GRIK1: variants seen among roughly 807,000 people sequenced by gnomAD.
GRIK1 encodes glutamate receptor ionotropic, kainate 1.
A neutral mutation model predicts 105.7 loss-of-function variants in GRIK1; 69 were observed. That is an observed-to-expected ratio of 0.65 (90% CI 0.54 to 0.80). GRIK1 has a LOEUF of 0.80. Among genes scored for constraint, GRIK1 ranks in the 30% least tolerant of loss-of-function variants. The pLI, the probability that GRIK1 is intolerant of heterozygous loss-of-function variation, is 0.00. For missense variants in GRIK1, 1,109 were observed against 1,167.3 expected (o/e 0.95, Z 0.73); for synonymous variants, 438 against 431.3 (o/e 1.02, Z -0.19).
At chr21:29,791,785 A>G (rs1238177490) in intron 1 of GRIK1, among the ~76,000 whole-genome samples, 1 of 152,236 alleles carries the variant, frequency 6.6e-6, no homozygotes, top group African/African-American at 2.4e-5. Context: ...GTAGAGAGGA[A>G]GAACCAAGAT....
At chr21:29,787,954 C>T (rs1277310378) in intron 1 of GRIK1, among the ~76,000 whole-genome samples, 4 of 152,164 alleles carry the variant, frequency 2.6e-5, no homozygotes, top group Non-Finnish European at 5.9e-5. Flanking sequence ...TTCTTAGGCA[C>T]GGTCGAAGAA....
At chr21:29,705,859 CTTTCTTTTCT>C (rs1252480109) in intron 1 of GRIK1, among the ~76,000 whole-genome samples, 2 of 148,018 alleles carry the variant, frequency 1.4e-5, no homozygotes, top group Non-Finnish European at 3.0e-5. Flanking sequence ...ATATTTTTTT[CTTTCTTTTCT>C]TTTCTTTTTT....
intron 1 of GRIK1, chr21:29,761,547 G>A (rs1476716785): frequency 6.6e-6 from 1 of 152,042 alleles, no homozygotes; most frequent in African/African-American, 2.4e-5. Flanking sequence ...AGCAAATCAT[G>A]CTATATATTA....
chr21:29,659,855 G>T (rs183361606), intron 4 of GRIK1, among the ~76,000 whole-genome samples: 1 of 151,974 alleles, frequency 6.6e-6, no homozygotes, highest in Admixed American at 6.6e-5. Context: ...CCAGCTACTC[G>T]GGAGGCTGAG....
In GRIK1 at chr21:29,783,824, CAT is replaced by C. The variant is rs753392336; in HGVS notation, c.119-89763_119-89762del. ...TGACTTTGAAAACATAAAACAATCA[CAT>C]GACTCAAAATTCTAAAGAGTCCAAA... On this transcript the variant is annotated intron_variant, in intron 1 of 17. Coordinates refer to ENST00000327783, the MANE Select transcript of GRIK1 (RefSeq NM_001330994.2). 5.9e-5 allele frequency among the ~76,000 whole-genome samples: 9 copies of C among 152,364 alleles called. No homozygotes were observed. In the South Asian group the frequency reaches 1.2e-3, roughly 21 times the overall value.
intron 1 of GRIK1, among the ~76,000 whole-genome samples, chr21:29,752,578 C>T (rs1294216875): frequency 6.6e-6 from 1 of 152,060 alleles, no homozygotes; most frequent in African/African-American, 2.4e-5. Flanking sequence ...GTAATATCAA[C>T]ATTTTGAGAG....
In GRIK1 at chr21:29,651,179, G is replaced by A. The variant is rs1568933968; in HGVS notation, c.893C>T (p.Ser298Phe). ...GGGTGGGGCCTGCAGTCTCTCCATG[G>A]ACCACTTCTCAATGATGGATGACAC... ...PHVSSIIEKW[S>F]MERLQAPPRP... Residue 298 changes from serine to phenylalanine, a missense_variant, in exon 6 of 18, where the codon TCC becomes TTC. By Grantham distance (155) the Ser-to-Phe change is radical. Coordinates refer to ENST00000327783, the MANE Select transcript of GRIK1 (RefSeq NM_001330994.2). The A allele has an allele frequency of 6.2e-7, 1 of 1,613,794 alleles. No individual in the cohort carries two copies.
chr21:29,859,963 T>A (rs949092525), intron 1 of GRIK1, among the ~76,000 whole-genome samples: 4 of 152,230 alleles, frequency 2.6e-5, no homozygotes, highest in Non-Finnish European at 4.4e-5. Flanking sequence ...TCAGGACTCA[T>A]CTTGGCACAC....
chr21:29,695,367 A>G (rs945093295), intron 1 of GRIK1, among the ~76,000 whole-genome samples: 1 of 152,130 alleles, frequency 6.6e-6, no homozygotes, highest in Admixed American at 6.6e-5. Flanking sequence ...TTGAAAGTAC[A>G]TGTTAACTGA....
intron 14 of GRIK1, among the ~76,000 whole-genome samples, chr21:29,567,774 T>C (rs2090644855): frequency 6.6e-6 from 1 of 152,192 alleles, no homozygotes; most frequent in Non-Finnish European, 1.5e-5. Flanking sequence ...AAAACAACCA[T>C]TTCTTTTAGA....
intron 1 of GRIK1, among the ~76,000 whole-genome samples, chr21:29,769,920 G>A (rs915695547): frequency 6.6e-6 from 1 of 152,334 alleles, no homozygotes; most frequent in East Asian, 1.9e-4. Flanking sequence ...GTCTTAGGAA[G>A]CTAATACAGT....
At chr21:29,791,374 A>T (rs1001770914) in intron 1 of GRIK1, among the ~76,000 whole-genome samples, 5 of 152,166 alleles carry the variant, frequency 3.3e-5, no homozygotes, top group African/African-American at 1.2e-4. Context: ...GAGAAAGAAC[A>T]GTGCTTTATA....
chr21:29,630,982 A>T (rs1026621123), intron 7 of GRIK1, among the ~76,000 whole-genome samples: 1 of 151,448 alleles, frequency 6.6e-6, no homozygotes, highest in Non-Finnish European at 1.5e-5. Context: ...TTGTTTTTTT[A>T]TTTTTTGTAG....
rs762089037 is a variant in GRIK1 at position 29,939,483 on chromosome 21, G to C, written c.18C>G (p.Leu6=). 6.3e-7 allele frequency: 1 copy of C among 1,591,106 alleles called. No homozygotes were observed. The highest frequency in any genetic ancestry group is 8.6e-7 in the Non-Finnish European group (1 of 1,168,410). Residue 6 remains leucine, a synonymous_variant, in exon 1 of 18, where the codon CTC becomes CTG. Transcript: ENST00000327783. MEHGT[L]LAQPGLWTRD... ...TGGTCCAGAGCCCGGGCTGGGCGAG[G>C]AGTGTGCCGTGCTCCATCTTCCTAG...
chr21:29,814,744 A>C (rs989186800), intron 1 of GRIK1, among the ~76,000 whole-genome samples: 1 of 152,140 alleles, frequency 6.6e-6, no homozygotes, highest in African/African-American at 2.4e-5. Flanking sequence ...ACAGGTTTGA[A>C]ATAGTGGTAA....
At chr21:29,549,356 G>C (rs1178931185) in intron 16 of GRIK1, among the ~76,000 whole-genome samples, 1 of 152,060 alleles carries the variant, frequency 6.6e-6, no homozygotes, top group African/African-American at 2.4e-5. Context: ...GGAAAAAAAT[G>C]TAAGAAAAGC....
intron 2 of GRIK1, among the ~76,000 whole-genome samples, chr21:29,692,174 A>G (rs561825937): frequency 3.3e-5 from 5 of 152,342 alleles, no homozygotes; most frequent in Non-Finnish European, 2.9e-5. Flanking sequence ...ACCAGTTTTA[A>G]GAAGCTCTGG....
At chr21:29,660,024 T>G (rs1313497845) in intron 4 of GRIK1, among the ~76,000 whole-genome samples, 1 of 152,108 alleles carries the variant, frequency 6.6e-6, no homozygotes, top group Admixed American at 6.5e-5. Context: ...CACTGCCAGC[T>G]GCCTCTTGAA....
Position 29,861,309 on chromosome 21 carries a change from C to CTT in GRIK1, c.118+78072_118+78073dup, listed in dbSNP as rs71191129. 3.0e-4 allele frequency among the ~76,000 whole-genome samples: 45 copies of CTT among 150,676 alleles called. No homozygotes were observed. In the South Asian group the frequency reaches 5.1e-3, roughly 17 times the overall value. Reference sequence around the variant, plus strand: ...ATAACTGTAGCTTTTTGTACTTACTCTTTTTTTTTCTTTTGGAGACAGGGT... The same window carrying CTT: ...ATAACTGTAGCTTTTTGTACTTACTCTTTTTTTTTTTCTTTTGGAGACAGGGT... On this transcript the variant is annotated intron_variant, in intron 1 of 17. Transcript: ENST00000327783.
Sources: allele counts gnomAD v4.1 joint callset (sites outside exome capture counted in the v4.1 genomes callset), GRCh38; gene constraint gnomAD v4.1.1; transcripts MANE v1.5; gene names NCBI Gene and HGNC (gene_info 2026-07-23, HGNC 2026-07-21).